SLFN12L: variants seen among roughly 807,000 people sequenced by gnomAD.
The protein encoded by SLFN12L is schlafen family member 12 like.
A neutral mutation model predicts 34.8 loss-of-function variants in SLFN12L; 34 were observed. The observed-to-expected ratio is 0.98, with a 90% CI of 0.74 to 1.30. The LOEUF is 1.30. SLFN12L is among the 50% of genes most tolerant of loss of function. SLFN12L has a pLI of 0.00. For missense variants in SLFN12L, 703 were observed against 696.2 expected, an observed-to-expected ratio of 1.01 and a Z score of -0.11; for synonymous variants, 259 against 247.5, an observed-to-expected ratio of 1.05 and a Z score of -0.44.
intron 2 of SLFN12L, among the ~76,000 whole-genome samples, chr17:35,516,937 T>C (rs1470539163): frequency 6.6e-6 from 1 of 152,242 alleles, no homozygotes; most frequent in Non-Finnish European, 1.5e-5. Context: ...TTTTTCATTC[T>C]TTGTCATACT....
Position 35,479,429 on chromosome 17 carries a change from C to T in SLFN12L, c.853G>A (p.Glu285Lys), listed in dbSNP as rs1430389611. The T allele has an allele frequency of 5.6e-6, 9 of 1,613,972 alleles. No individual in the cohort carries two copies. Among genetic ancestry groups the T allele is most frequent in the Non-Finnish European group, 7.6e-6 (9 of 1,180,000 alleles). Residue 285 changes from glutamate to lysine, a missense_variant, in exon 3 of 5, where the codon GAA becomes AAA. Glu to Lys is a moderately conservative substitution (Grantham distance 56). Transcript: ENST00000628453. ...DGGYLFVGLN[E>K]DKEVIGFKAE... ...TTAAAGCCAATTACTTCTTTATCTT[C>T]ATTTAGACCAACGAATAAATATCCT... is the stretch of plus-strand genomic sequence containing the variant.
intron 2 of SLFN12L, among the ~76,000 whole-genome samples, chr17:35,505,676 T>A (rs1356848402): frequency 6.6e-6 from 1 of 152,034 alleles, no homozygotes; most frequent in Admixed American, 6.5e-5. Flanking sequence ...GTGGGACCAA[T>A]CTCCAAGACC....
rs375711469 is a variant in SLFN12L at position 35,499,886 on chromosome 17, A to G, written c.87-19691T>C. The G allele has an allele frequency of 1.2e-3, 191 of 161,564 alleles. 1 individual carries two copies. The highest frequency in any genetic ancestry group is 4.6e-3 in the African/African-American group (190 of 41,744). 10.0% of individuals were successfully genotyped at this position (161,564 alleles called of 1,614,324 possible). On this transcript the variant is annotated intron_variant, in intron 2 of 4. Transcript: ENST00000628453. ...GGTCACTGAAAATCACTACCTTAGA[A>G]AAAAATGTAGGCCAAGGAAGATAGA...
In SLFN12L at chr17:35,480,032, C is replaced by T. The variant is rs752468580; in HGVS notation, c.250G>A (p.Glu84Lys). 4.3e-6 allele frequency: 7 copies of T among 1,614,062 alleles called. No homozygotes were observed. The African/African-American group carries it at 8.0e-5, about 18-fold the overall frequency. ...GCACACACAGCTCGTGAGACATTTT[C>T]ATTCTGCTGTTTTCTCAGTTGACAA... Reference protein sequence around the residue: ...KDCQLRKQQNENVSRAVCALL... With the variant: ...KDCQLRKQQNKNVSRAVCALL... The change falls in exon 3 of 5, where the codon GAA becomes AAA. Residue 84 changes from glutamate to lysine, a missense_variant. Physicochemically the swap from Glu to Lys is moderately conservative, Grantham distance 56. Coordinates refer to ENST00000628453, the MANE Select transcript of SLFN12L (RefSeq NM_001363830.2).
At chr17:35,489,404 A>C (rs543628652) in intron 2 of SLFN12L, among the ~76,000 whole-genome samples, 3 of 151,568 alleles carry the variant, frequency 2.0e-5, no homozygotes, top group African/African-American at 7.3e-5. Context: ...ATTTTTTAAA[A>C]TAACCGGGCG....
chr17:35,498,580 G>C, intron 2 of SLFN12L: 5 of 1,565,636 alleles, frequency 3.2e-6, no homozygotes, highest in Non-Finnish European at 3.5e-6. Flanking sequence ...TTTTACAGCC[G>C]CTTCCATGGA....
At chr17:35,490,254 A>G in intron 2 of SLFN12L, 1 of 1,537,110 alleles carries the variant, frequency 6.5e-7, no homozygotes. Flanking sequence ...GGTCATCAGT[A>G]CCTCTCGGAT....
chr17:35,520,638 G>A (rs1044371673), intron 2 of SLFN12L, among the ~76,000 whole-genome samples: 4 of 152,030 alleles, frequency 2.6e-5, no homozygotes, highest in Admixed American at 6.5e-5. Context: ...CCAGCTACTC[G>A]GGAGGTTGAG....
chr17:35,523,336 G>T (rs572988160), intron 1 of SLFN12L, among the ~76,000 whole-genome samples: 40 of 152,302 alleles, frequency 2.6e-4, no homozygotes, highest in Admixed American at 3.9e-4. Context: ...CTCTCAAAGT[G>T]CATGAATCTC....
chr17:35,512,943 G>A (rs1255549945), intron 2 of SLFN12L, among the ~76,000 whole-genome samples: 7 of 151,832 alleles, frequency 4.6e-5, no homozygotes, highest in Non-Finnish European at 5.9e-5. Flanking sequence ...CTCTGGGCCC[G>A]TTCTTTCCCA....
intron 4 of SLFN12L, among the ~76,000 whole-genome samples, chr17:35,476,454 CAAGGAAGGAAGGAAGGAAGG>C (rs59968985): frequency 0.065 from 6,870 of 105,532 alleles, 224 homozygotes; most frequent in East Asian, 0.15. Context: ...GAAAAGAAAG[CAAGGAAGGAAGGAAGGAAGG>C]AAGGAAGGAA....
intron 2 of SLFN12L, among the ~76,000 whole-genome samples, chr17:35,520,707 C>T (rs1324504868): frequency 6.6e-6 from 1 of 152,062 alleles, no homozygotes; most frequent in Admixed American, 6.6e-5. Flanking sequence ...GATCATACCA[C>T]TGCACTCCAG....
At chr17:35,526,593 T>C (rs2072337418) in intron 1 of SLFN12L, among the ~76,000 whole-genome samples, 1 of 152,154 alleles carries the variant, frequency 6.6e-6, no homozygotes, top group African/African-American at 2.4e-5. Context: ...CTGAACAACC[T>C]GCTCCTGAAT....
At chr17:35,515,479 TG>T (rs1420837909) in intron 2 of SLFN12L, among the ~76,000 whole-genome samples, 2 of 152,222 alleles carry the variant, frequency 1.3e-5, no homozygotes, top group African/African-American at 4.8e-5. Flanking sequence ...TTTGCTTGTT[TG>T]TTTTTGAGAC....
At chr17:35,530,431 G>A (rs1172662924) in intron 1 of SLFN12L, among the ~76,000 whole-genome samples, 1,406 of 16,910 alleles carry the variant, frequency 0.083, 323 homozygotes, top group African/African-American at 0.14. Context: ...GGAAGGAAGG[G>A]AAGGGAAGGG....
At chr17:35,487,721 C>T in intron 2 of SLFN12L, 1 of 1,528,000 alleles carries the variant, frequency 6.5e-7, no homozygotes, top group African/African-American at 1.4e-5. Flanking sequence ...AAAAAGAGAA[C>T]GAACCTGGCG....
At chr17:35,534,157 T>G (rs2072437216) in intron 1 of SLFN12L, among the ~76,000 whole-genome samples, 1 of 152,074 alleles carries the variant, frequency 6.6e-6, no homozygotes, top group Non-Finnish European at 1.5e-5. Flanking sequence ...GGTCAAGAGA[T>G]GGAGACCATC....
rs541212354 is a variant in SLFN12L, at chr17:35,466,562, A to G, written c.*8361T>C. Among the ~76,000 whole-genome samples, 101 of 152,356 alleles carry G rather than the reference A, an allele frequency of 6.6e-4. No individual in the cohort carries two copies. The highest frequency in any genetic ancestry group is 2.2e-3 in the African/African-American group (90 of 41,588). ...CTACTCATATGGACATAAGAGTCCAACATCTTTTCATCCTTTTTGGGTTTT... is the reference window on the plus strand; with the variant it reads ...CTACTCATATGGACATAAGAGTCCAGCATCTTTTCATCCTTTTTGGGTTTT... On this transcript the variant is annotated 3_prime_UTR_variant, in exon 5 of 5. Coordinates refer to ENST00000628453, the MANE Select transcript of SLFN12L (RefSeq NM_001363830.2).
intron 1 of SLFN12L, among the ~76,000 whole-genome samples, chr17:35,528,047 C>T (rs536048693): frequency 6.6e-6 from 1 of 152,116 alleles, no homozygotes; most frequent in East Asian, 1.9e-4. Flanking sequence ...ACAAGCATTC[C>T]TATGCACCGA....
Sources: allele counts gnomAD v4.1 joint callset (sites outside exome capture counted in the v4.1 genomes callset), GRCh38; gene constraint gnomAD v4.1.1; transcripts MANE v1.5; gene names NCBI Gene and HGNC (gene_info 2026-07-23, HGNC 2026-07-21).